ZNF518A: variants seen among roughly 807,000 people sequenced by gnomAD.
The protein encoded by ZNF518A is zinc finger protein 518A.
A neutral mutation model predicts 102.7 loss-of-function variants in ZNF518A; 47 were observed. That is an observed-to-expected ratio of 0.46 (90% CI 0.36 to 0.58). The LOEUF (loss-of-function observed/expected upper bound fraction) is 0.58. Ranked by LOEUF, ZNF518A falls within the 20% of genes least tolerant of loss-of-function variation. The pLI, the probability that ZNF518A is intolerant of heterozygous loss-of-function variation, is 0.00. For missense variants in ZNF518A, 1,793 were observed against 1,699.8 expected, an observed-to-expected ratio of 1.05 and a Z score of -0.96; for synonymous variants, 652 against 594.6, an observed-to-expected ratio of 1.10 and a Z score of -1.40.
chr10:96,138,937 AT>A lies in ZNF518A; in HGVS notation c.-302+5311del, dbSNP rs782442450. On this transcript the variant is annotated intron_variant, in intron 3 of 5. Coordinates refer to ENST00000316045, the MANE Select transcript of ZNF518A (RefSeq NM_001330736.2). ...GAAATAGAAAAGGATAAAGTGGCGAATTTTTTTTTTTTTTTTTTTTTTGAGG... is the reference window on the plus strand; with the variant it reads ...GAAATAGAAAAGGATAAAGTGGCGAATTTTTTTTTTTTTTTTTTTTTGAGG... Among the ~76,000 whole-genome samples the A allele has an allele frequency of 0.034, 4,631 of 136,024 alleles. 581 individuals carry two copies. In the East Asian group the frequency reaches 0.46, roughly 14 times the overall value. The allele number at this position is 136,024 out of a possible 152,430, so 89.2% of individuals were successfully genotyped here.
At position 96,130,425 on chromosome 10, in the gene ZNF518A, C is replaced by G. The variant is rs1162298698; in HGVS notation, c.-780C>G. 1.3e-5 allele frequency among the ~76,000 whole-genome samples: 2 copies of G among 152,260 alleles called. No homozygotes were observed. Among genetic ancestry groups the G allele is most frequent in the Admixed American group, 1.3e-4 (2 of 15,290 alleles). On this transcript the variant is annotated 5_prime_UTR_variant, in exon 1 of 6. Transcript: ENST00000316045. ...TTCCGGGCTTTTTGAACTCTACACTCTCCTACATTCTAGGAGCTGGGTGGG... is the reference window on the plus strand; with the variant it reads ...TTCCGGGCTTTTTGAACTCTACACTGTCCTACATTCTAGGAGCTGGGTGGG...
chr10:96,150,684 T>C (rs1050396253), intron 3 of ZNF518A, among the ~76,000 whole-genome samples: 1 of 150,118 alleles, frequency 6.7e-6, no homozygotes, highest in Admixed American at 6.6e-5. Context: ...TTGCTAGTTA[T>C]TACTTGATTT....
In ZNF518A at chr10:96,158,881, T is replaced by C; in HGVS notation, c.2559T>C (p.Asn853=). ...PGSVGINVPT[N]DLNLKFGKEK... ...GTGTGGGTATTAATGTGCCTACAAA[T>C]GATTTGAATTTGAAATTTGGAAAAG... is the stretch of plus-strand genomic sequence containing the variant. The change falls in exon 6 of 6, where the codon AAT becomes AAC. Residue 853 remains asparagine (N), a synonymous_variant. Coordinates refer to ENST00000316045, the MANE Select transcript of ZNF518A (RefSeq NM_001330736.2). 6.2e-7 allele frequency: 1 copy of C among 1,613,718 alleles called. No homozygotes were observed. The highest frequency in any genetic ancestry group is 1.1e-5 in the South Asian group (1 of 91,064).
chr10:96,178,039 A>C (rs1554891678), intron 1 of ZNF518A, among the ~76,000 whole-genome samples: 1 of 152,078 alleles, frequency 6.6e-6, no homozygotes, highest in African/African-American at 2.4e-5. Flanking sequence ...CTATTCCAAT[A>C]CTCCTCTCTC....
intron 1 of ZNF518A, among the ~76,000 whole-genome samples, chr10:96,185,056 C>T (rs1353913294): frequency 6.6e-6 from 1 of 152,170 alleles, no homozygotes; most frequent in African/African-American, 2.4e-5. Flanking sequence ...TTAATTTCAT[C>T]TTCAATCACT....
chr10:96,181,141 T>C (rs781998017), intron 1 of ZNF518A, among the ~76,000 whole-genome samples: 5 of 152,256 alleles, frequency 3.3e-5, no homozygotes, highest in Non-Finnish European at 7.3e-5. Flanking sequence ...CATAAAAGTC[T>C]TCTTTTGAAA....
At chr10:96,201,085 A>G in intron 1 of ZNF518A, 1 of 1,579,194 alleles carries the variant, frequency 6.3e-7, no homozygotes, top group Non-Finnish European at 8.7e-7. Flanking sequence ...AAGTCCTTCA[A>G]TTAATCTTCA....
intron 1 of ZNF518A, among the ~76,000 whole-genome samples, chr10:96,187,505 A>T (rs112149101): frequency 6.6e-6 from 1 of 152,212 alleles, no homozygotes. Flanking sequence ...CTACTACAGT[A>T]AGAGTAGTTT....
rs2083201042 is a variant in ZNF518A at position 96,175,882 on chromosome 10, CCTTCCTTCCTTCCTTCCTTCCTT to C, written n.35+19837_35+19859del. Among the ~76,000 whole-genome samples, 16 of 102,914 alleles carry C rather than the reference CCTTCCTTCCTTCCTTCCTTCCTT, an allele frequency of 1.6e-4. 2 individuals are homozygous for C. The highest frequency in any genetic ancestry group is 2.3e-4 in the Non-Finnish European group (12 of 51,596). 67.5% of individuals were successfully genotyped at this position (102,914 alleles called of 152,430 possible). On this transcript the variant is annotated intron_variant and non_coding_transcript_variant, in intron 1 of 2. Coordinates refer to the ZNF518A transcript ENST00000442635. ...CCCTCCCTGCCTCCCTCCCTCCCTT[CCTTCCTTCCTTCCTTCCTTCCTT>C]CCTTCCTTCCTTCCTTCCTTCCTTC...
chr10:96,178,809 A>T (rs998982083), intron 1 of ZNF518A, among the ~76,000 whole-genome samples: 1 of 152,048 alleles, frequency 6.6e-6, no homozygotes, highest in Non-Finnish European at 1.5e-5. Context: ...TATACAAATA[A>T]ATTTGGTATC....
chr10:96,188,792 T>C (rs587702166), intron 1 of ZNF518A, among the ~76,000 whole-genome samples: 2 of 152,322 alleles, frequency 1.3e-5, no homozygotes, highest in South Asian at 4.1e-4. Context: ...TAGGTTTCTA[T>C]GGCCGCCATA....
chr10:96,158,312 C>T lies in ZNF518A; in HGVS notation c.1990C>T (p.Gln664Ter). The part of the protein sequence containing the change: ...FSGTAVYENP[Q>*]RESSSSKTVV... ...AGGAACAGCAGTGTATGAAAACCCT[C>T]AAAGAGAATCTTCATCCAGCAAAAC... The change falls in exon 6 of 6, where the codon CAA becomes TAA. Residue 664 changes from glutamine to a stop codon, truncating the protein, a stop_gained. Transcript: ENST00000316045. LOFTEE classifies it high-confidence loss of function. 6.2e-7 allele frequency: 1 copy of T among 1,613,690 alleles called. No homozygotes were observed. Among genetic ancestry groups the T allele is most frequent in the Non-Finnish European group, 8.5e-7 (1 of 1,179,736 alleles).
rs782573553 is a variant in ZNF518A, at chr10:96,156,645, A to G, written c.323A>G (p.Glu108Gly). ...LLHKSERAEE[E>G]GVKMSAKILN... Reference sequence around the variant, plus strand: ...CATAAGTCTGAGAGAGCTGAAGAAGAGGGTGTAAAAATGTCTGCAAAAATA... The same window carrying G: ...CATAAGTCTGAGAGAGCTGAAGAAGGGGGTGTAAAAATGTCTGCAAAAATA... Residue 108 changes from glutamate to glycine, a missense_variant, in exon 6 of 6, where the codon GAG becomes GGG. Glu to Gly is a moderately conservative substitution (Grantham distance 98). Coordinates refer to ENST00000316045, the MANE Select transcript of ZNF518A (RefSeq NM_001330736.2). 6.2e-7 allele frequency: 1 copy of G among 1,613,900 alleles called. No homozygotes were observed. The highest frequency in any genetic ancestry group is 1.3e-5 in the African/African-American group (1 of 75,044).
At chr10:96,184,686 G>T (rs918398420) in intron 1 of ZNF518A, among the ~76,000 whole-genome samples, 1 of 152,138 alleles carries the variant, frequency 6.6e-6, no homozygotes, top group Non-Finnish European at 1.5e-5. Context: ...TAGTCTGATG[G>T]GCATCCCTTT....
chr10:96,158,397 A>G lies in ZNF518A; in HGVS notation c.2075A>G (p.Lys692Arg). 1 of 1,613,706 alleles carries G rather than the reference A, an allele frequency of 6.2e-7. No homozygotes were observed. The highest frequency in any genetic ancestry group is 8.5e-7 in the Non-Finnish European group (1 of 1,179,762). The change falls in exon 6 of 6, where the codon AAA becomes AGA. Residue 692 changes from lysine to arginine, a missense_variant. Lys to Arg is a conservative substitution (Grantham distance 26, BLOSUM62 2). Transcript: ENST00000316045. ...TCACTAGTGAGGCAGGAGAGCTCAA[A>G]ACCAGATAGCCTATTAGCATCTATT... ...FLSLVRQESSKPDSLLASISL... is the reference protein window; with the variant it reads ...FLSLVRQESSRPDSLLASISL...
chr10:96,139,558 G>A (rs2133240564), intron 3 of ZNF518A, among the ~76,000 whole-genome samples: 1 of 152,286 alleles, frequency 6.6e-6, no homozygotes, highest in Non-Finnish European at 1.5e-5. Context: ...GACTTCCTAG[G>A]CTTCAGAATT....
At chr10:96,201,265 T>G (rs2083626329) in intron 1 of ZNF518A, among the ~76,000 whole-genome samples, 1 of 152,186 alleles carries the variant, frequency 6.6e-6, no homozygotes. Flanking sequence ...TCTTTTTGAA[T>G]TACCTATCAC....
chr10:96,188,251 G>A (rs2083284521), intron 1 of ZNF518A, among the ~76,000 whole-genome samples: 1 of 152,236 alleles, frequency 6.6e-6, no homozygotes, highest in Non-Finnish European at 1.5e-5. Context: ...CAAGATGAGG[G>A]AAAAGACTGG....
chr10:96,136,170 GA>G lies in ZNF518A; in HGVS notation c.-302+2528del, dbSNP rs202148413. 2.6e-3 allele frequency among the ~76,000 whole-genome samples: 397 copies of G among 151,774 alleles called. 2 individuals carry two copies. Among genetic ancestry groups the G allele is most frequent in the South Asian group, 1.9e-3 (9 of 4,822 alleles). Reference sequence around the variant, plus strand: ...TTTCTACTAAGATGGAGATTTCTTTGAAAAAATGTGTATATTTCTTTTCATA... The same window carrying G: ...TTTCTACTAAGATGGAGATTTCTTTGAAAAATGTGTATATTTCTTTTCATA... On this transcript the variant is annotated intron_variant, in intron 3 of 5. Transcript: ENST00000316045.
Sources: gnomAD v4.1 joint callset for allele counts (sites outside exome capture counted in the v4.1 genomes callset) on GRCh38, gnomAD v4.1.1 for gene constraint, MANE v1.5 for transcripts, NCBI Gene and HGNC (gene_info 2026-07-23, HGNC 2026-07-21) for gene names.